Variants in RASL10A observed in about 807,000 individuals in gnomAD.
RASL10A encodes the protein ras-like protein family member 10A.
A neutral mutation model predicts 17.3 loss-of-function variants in RASL10A; 13 were observed. That is an observed-to-expected ratio of 0.75 (90% CI 0.49 to 1.20). RASL10A has a LOEUF of 1.20. Among genes scored for constraint, RASL10A ranks in the 50% most tolerant of loss-of-function variants. The pLI is 0.00. For missense variants in RASL10A, 307 were observed against 310.3 expected, an observed-to-expected ratio of 0.99 and a Z score of 0.08; for synonymous variants, 159 against 142.2, an observed-to-expected ratio of 1.12 and a Z score of -0.84.
chr22:29,313,846 A>G lies in RASL10A; in HGVS notation c.344+17T>C. 1 of 1,612,428 alleles carries G rather than the reference A, an allele frequency of 6.2e-7. No individual in the cohort carries two copies. Among genetic ancestry groups the G allele is most frequent in the Non-Finnish European group, 8.5e-7 (1 of 1,180,002 alleles). ...ACCTGTCCTAGCTCCCCACCGCCAG[A>G]ACTGCCGGGCCCCTACCTGGTCTCC... On this transcript the variant is annotated intron_variant, in intron 2 of 2. Transcript: ENST00000216101.
chr22:29,313,754 A>G (rs567685693), intron 2 of RASL10A, 109 bp downstream of exon 2: 2 of 1,515,464 alleles, frequency 1.3e-6, no homozygotes, highest in African/African-American at 2.8e-5. Flanking sequence ...CCACGGGCGA[A>G]GGCCTAAGAC....
chr22:29,313,818 C>A lies in RASL10A; in HGVS notation c.344+45G>T, dbSNP rs756548914. ...CACTCTCCTCAGGCAAAGGCCCTGC[C>A]AGACCTGTCCTAGCTCCCCACCGCC... On this transcript the variant is annotated intron_variant, in intron 2 of 2. Transcript: ENST00000216101. 3.7e-6 allele frequency: 6 copies of A among 1,607,532 alleles called. No individual in the cohort carries two copies. The African/African-American group carries it at 8.0e-5, about 21-fold the overall frequency.
Position 29,315,213 on chromosome 22 carries a change from C to A in RASL10A, c.34G>T (p.Ala12Ser). 3 of 1,521,510 alleles carry A rather than the reference C, an allele frequency of 2.0e-6. No homozygotes were observed. The highest frequency in any genetic ancestry group is 1.2e-5 in the South Asian group (1 of 81,966). 94.3% of individuals were successfully genotyped at this position (1,521,510 alleles called of 1,614,324 possible). Residue 12 changes from alanine (A) to serine (S), a missense_variant, in exon 1 of 3, where the codon GCC becomes TCC. Ala to Ser is a moderately conservative substitution (Grantham distance 99). Coordinates refer to ENST00000216101, the MANE Select transcript of RASL10A (RefSeq NM_006477.5). This position sits in a 1 kb window ranked among gnomAD's most constrained non-coding sequence, Gnocchi z 5.5. ...GGSLRVAVLG[A>S]PGVGKTAIIR... ...ATGGCCGTCTTGCCCACGCCCGGGG[C>A]GCCTAGAACGGCCACCCGCAGGCTA... is the stretch of plus-strand genomic sequence containing the variant.
upstream of RASL10A, among the ~76,000 whole-genome samples, chr22:29,316,163 C>T (rs144605857): frequency 7.7e-4 from 118 of 152,358 alleles, 2 homozygotes; most frequent in East Asian, 0.017. Context: ...GATTCTCGAA[C>T]CTACAGCCTC....
At chr22:29,314,729 G>A (rs2061442528) in intron 1 of RASL10A, among the ~76,000 whole-genome samples, 1 of 152,096 alleles carries the variant, frequency 6.6e-6, no homozygotes, top group African/African-American at 2.4e-5. Context: ...CTCTCGGGAA[G>A]GCACCGTTAT....
Position 29,313,528 on chromosome 22 carries a change from T to G in RASL10A, c.385A>C (p.Asn129His). ...APEAPILVVGNKRDRQRLRFG... is the reference protein window; with the variant it reads ...APEAPILVVGHKRDRQRLRFG... ...CGCAGCCGCTGCCTGTCCCGCTTGT[T>G]GCCTACCACGAGGATGGGCGCTTCG... Residue 129 changes from asparagine to histidine, a missense_variant, in exon 3 of 3, where the codon AAC (asparagine) becomes CAC (histidine). Transcript: ENST00000216101. The G allele has an allele frequency of 6.4e-7, 1 of 1,569,518 alleles. No individual in the cohort carries two copies. The highest frequency in any genetic ancestry group is 8.6e-7 in the Non-Finnish European group (1 of 1,166,040).
chr22:29,313,676 C>T, intron 2 of RASL10A, 108 bp from the exon 3 acceptor site: 4 of 1,414,986 alleles, frequency 2.8e-6, no homozygotes, highest in South Asian at 1.5e-5. Flanking sequence ...GAGACACCGC[C>T]CCCCCCGCCG....
chr22:29,315,282 C>T lies in RASL10A; in HGVS notation c.-36G>A, dbSNP rs1366249562. ...CGCTGTCGCTCCCCGCGCTGGAAAG[C>T]CTCATGGGCCGGCGCCGCACCGTGC... is the stretch of plus-strand genomic sequence containing the variant. On this transcript the variant is annotated 5_prime_UTR_variant, in exon 1 of 3. Transcript: ENST00000216101. The surrounding 1 kb of genome is among the most constrained non-coding windows in gnomAD (Gnocchi z 5.5). 2.1e-6 allele frequency: 3 copies of T among 1,399,962 alleles called. No individual in the cohort carries two copies. The highest frequency in any genetic ancestry group is 2.4e-4 in the Middle Eastern group (1 of 4,224). The allele number at this position is 1,399,962 out of a possible 1,614,324, so 86.7% of individuals were successfully genotyped here.
At chr22:29,318,062 T>C (rs1302221206), upstream of RASL10A, among the ~76,000 whole-genome samples, 1 of 152,186 alleles carries the variant, frequency 6.6e-6, no homozygotes, top group Non-Finnish European at 1.5e-5. Flanking sequence ...TCTGAAAAAC[T>C]TTCCTTGCTT....
At chr22:29,318,741 T>TC (rs533585643), upstream of RASL10A, among the ~76,000 whole-genome samples, 11 of 152,278 alleles carry the variant, frequency 7.2e-5, no homozygotes, top group African/African-American at 2.6e-4. Context: ...CCCAGGGGCC[T>TC]CCTGGGCACT....
At position 29,313,560 on chromosome 22, in the gene RASL10A, C is replaced by T. The variant is rs773684926; in HGVS notation, c.353G>A (p.Gly118Asp). 1.3e-6 allele frequency: 2 copies of T among 1,534,246 alleles called. No homozygotes were observed. The highest frequency in any genetic ancestry group is 2.5e-5 in the South Asian group (2 of 80,892). The change falls in exon 3 of 3, where the codon GGC becomes GAC. Residue 118 changes from glycine to aspartate, a missense_variant. Coordinates refer to ENST00000216101, the MANE Select transcript of RASL10A (RefSeq NM_006477.5). ...CACGAGGATGGGCGCTTCGGGCGCG[C>T]CCGCCGGCCTGGGGGCCGAATGGAG... is the stretch of plus-strand genomic sequence containing the variant. ...RQRIAETRPAGAPEAPILVVG... is the reference protein window; with the variant it reads ...RQRIAETRPADAPEAPILVVG...
chr22:29,313,227 C>A lies in RASL10A; in HGVS notation c.*74G>T. On this transcript the variant is annotated 3_prime_UTR_variant, in exon 3 of 3. Transcript: ENST00000216101. ...CCTGTCCAGTCCCAGTGAAGTTGGG[C>A]GATCCCGTCCAATCCAGGTCCCTGA... 1 of 1,422,770 alleles carries A rather than the reference C, an allele frequency of 7.0e-7. No individual in the cohort carries two copies. The highest frequency in any genetic ancestry group is 2.9e-5 in the Admixed American group (1 of 34,048). The allele number at this position is 1,422,770 out of a possible 1,614,324, so 88.1% of individuals were successfully genotyped here.
upstream of RASL10A, among the ~76,000 whole-genome samples, chr22:29,318,332 G>A (rs2061462615): frequency 6.6e-6 from 1 of 152,198 alleles, no homozygotes; most frequent in African/African-American, 2.4e-5. Context: ...GCCATGATTG[G>A]GCCACAGTTG....
upstream of RASL10A, chr22:29,315,831 C>G (rs971710829): frequency 6.6e-6 from 1 of 152,050 alleles, no homozygotes; most frequent in Non-Finnish European, 1.5e-5. The surrounding 1 kb of genome is among the most constrained non-coding windows in gnomAD (Gnocchi z 5.5). Flanking sequence ...GACTGGGGGA[C>G]AGAGATCCCG....
upstream of RASL10A, chr22:29,316,665 C>T (rs2061455731): frequency 6.6e-6 from 1 of 152,270 alleles, no homozygotes; most frequent in Non-Finnish European, 1.5e-5. Flanking sequence ...TGTGGGGGCT[C>T]CCACGTCTCT....
At position 29,315,299 on chromosome 22, in the gene RASL10A, G is replaced by T. The variant is rs2061447098; in HGVS notation, c.-53C>A. The stretch of plus-strand genomic sequence containing the variant: ...CTGGAAAGCCTCATGGGCCGGCGCC[G>T]CACCGTGCGCCCCCAGGCCGTGCGC... On this transcript the variant is annotated 5_prime_UTR_variant, in exon 1 of 3. Coordinates refer to ENST00000216101, the MANE Select transcript of RASL10A (RefSeq NM_006477.5). This position sits in a 1 kb window ranked among gnomAD's most constrained non-coding sequence, Gnocchi z 5.5. The T allele has an allele frequency of 3.9e-6, 5 of 1,297,582 alleles. No individual in the cohort carries two copies. Among genetic ancestry groups the T allele is most frequent in the Non-Finnish European group, 5.0e-6 (5 of 1,008,262 alleles). The allele number at this position is 1,297,582 out of a possible 1,614,324, so 80.4% of individuals were successfully genotyped here.
At chr22:29,318,714 C>T (rs935833489), upstream of RASL10A, among the ~76,000 whole-genome samples, 12 of 152,310 alleles carry the variant, frequency 7.9e-5, no homozygotes, top group African/African-American at 2.9e-4. Context: ...CCTGCTGCCC[C>T]CCTCCAATCC....
rs973379766 is a variant in RASL10A at position 29,315,620 on chromosome 22, G to A, written c.-374C>T. 1.3e-5 allele frequency: 2 copies of A among 154,962 alleles called. No homozygotes were observed. The highest frequency in any genetic ancestry group is 4.8e-5 in the African/African-American group (2 of 41,662). 9.6% of individuals were successfully genotyped at this position (154,962 alleles called of 1,614,324 possible). A position where few individuals can be genotyped will look rare whatever the true frequency, so the allele number is the denominator to read the frequency against. ...CCTCTCGCGGCGCGGGTCCCGCAGC[G>A]GTGCGGGGCGCGGGGGGCAGCGCTG... On this transcript the variant is annotated 5_prime_UTR_variant, in exon 1 of 3. Transcript: ENST00000216101. This position sits in a 1 kb window ranked among gnomAD's most constrained non-coding sequence, Gnocchi z 5.5.
rs928873276 is a variant in RASL10A, at chr22:29,313,681, C to CG, written c.345-114_345-113insC. 83 of 1,418,348 alleles carry CG rather than the reference C, an allele frequency of 5.9e-5. No homozygotes were observed. In the African/African-American group the frequency reaches 1.0e-3, roughly 18 times the overall value. The allele number at this position is 1,418,348 out of a possible 1,614,324, so 87.9% of individuals were successfully genotyped here. A position where few individuals can be genotyped will look rare whatever the true frequency, so the allele number is the denominator to read the frequency against. On this transcript the variant is annotated intron_variant, in intron 2 of 2. Coordinates refer to ENST00000216101, the MANE Select transcript of RASL10A (RefSeq NM_006477.5). ...CCTACGGCCAGAGACACCGCCCCCC[C>CG]CGCCGCCCCAACGAAACCCCAGGCC...
Sources: allele counts gnomAD v4.1 joint callset (sites outside exome capture counted in the v4.1 genomes callset), GRCh38; gene constraint gnomAD v4.1.1; non-coding constraint Gnocchi (gnomAD v3.1); transcripts MANE v1.5; gene names NCBI Gene and HGNC (gene_info 2026-07-23, HGNC 2026-07-21).